ESRRG: variants seen among roughly 807,000 people sequenced by gnomAD.
ESRRG encodes estrogen-related receptor gamma.
In ESRRG, 13 loss-of-function variants were observed where a neutral mutation model predicts 44.0. The ratio of observed to expected loss-of-function variants is 0.30; its 90% CI spans 0.19 to 0.47. ESRRG has a LOEUF of 0.47. Ranked by LOEUF, ESRRG falls within the 20% of genes least tolerant of loss-of-function variation. ESRRG has a pLI of 1.00. For missense variants in ESRRG, 395 were observed against 580.6 expected (o/e 0.68, Z 3.29); for synonymous variants, 215 against 214.6 (o/e 1.00, Z -0.02).
intron 2 of ESRRG, among the ~76,000 whole-genome samples, chr1:216,821,584 C>A (rs1296883130): frequency 6.6e-6 from 1 of 150,990 alleles, no homozygotes; most frequent in Non-Finnish European, 1.5e-5. Flanking sequence ...ACTCAGGAGG[C>A]TGAGGTGAGA....
chr1:216,907,296 C>G (rs147224155), intron 2 of ESRRG, among the ~76,000 whole-genome samples: 6 of 152,296 alleles, frequency 3.9e-5, no homozygotes, highest in African/African-American at 1.4e-4. Context: ...CAACTCATCC[C>G]ACTGCTGGTG....
At chr1:216,528,466 A>G (rs2048340206) in intron 5 of ESRRG, among the ~76,000 whole-genome samples, 1 of 152,184 alleles carries the variant, frequency 6.6e-6, no homozygotes. Context: ...AAGTACTGTC[A>G]TTAATTTATC....
At chr1:216,932,546 T>C (rs904870832) in intron 2 of ESRRG, among the ~76,000 whole-genome samples, 1 of 151,834 alleles carries the variant, frequency 6.6e-6, no homozygotes. Context: ...TGTGTGTGTG[T>C]TTGTGTGTAT....
At chr1:216,659,596 C>G (rs1467647302) in intron 2 of ESRRG, among the ~76,000 whole-genome samples, 1 of 152,162 alleles carries the variant, frequency 6.6e-6, no homozygotes, top group Non-Finnish European at 1.5e-5. Context: ...CTCAAGCTCA[C>G]CCCCTTGTCT....
intron 1 of ESRRG, among the ~76,000 whole-genome samples, chr1:217,103,011 C>T (rs2092539927): frequency 6.6e-6 from 1 of 152,156 alleles, no homozygotes; most frequent in African/African-American, 2.4e-5. Flanking sequence ...TGCAGAGAGA[C>T]TCCTGTGAGC....
chr1:216,761,830 A>T (rs2092793151), intron 2 of ESRRG, among the ~76,000 whole-genome samples: 1 of 152,092 alleles, frequency 6.6e-6, no homozygotes, highest in East Asian at 1.9e-4. Context: ...AAGGTATACA[A>T]CTTGGAGCTG....
At chr1:217,017,804 G>A (rs1284638028) in intron 1 of ESRRG, among the ~76,000 whole-genome samples, 1 of 152,172 alleles carries the variant, frequency 6.6e-6, no homozygotes, top group Non-Finnish European at 1.5e-5. Flanking sequence ...ATAGTTCATA[G>A]TGGCAGCAGT....
intron 3 of ESRRG, among the ~76,000 whole-genome samples, chr1:216,619,234 T>C (rs1026381678): frequency 6.6e-6 from 1 of 152,174 alleles, no homozygotes; most frequent in Non-Finnish European, 1.5e-5. Flanking sequence ...CTCACATGTG[T>C]GGAAGAGGGA....
rs570459911 is a variant in ESRRG at position 216,796,340 on chromosome 1, T to C, written c.-13-118849A>G. Among the ~76,000 whole-genome samples the C allele has an allele frequency of 3.4e-4, 51 of 152,232 alleles. 1 individual carries two copies. In the Middle Eastern group the frequency reaches 0.024, roughly 71 times the overall value. On this transcript the variant is annotated intron_variant, in intron 2 of 7. Transcript: ENST00000359162. Reference sequence around the variant, plus strand: ...AGGCGAACACTGGAGGACCCTGCTCTGGAGAAAAAGAATGTTCTAGAGAAA... The same window carrying C: ...AGGCGAACACTGGAGGACCCTGCTCCGGAGAAAAAGAATGTTCTAGAGAAA...
chr1:216,868,610 T>C (rs1431093510), intron 2 of ESRRG, among the ~76,000 whole-genome samples: 1 of 152,182 alleles, frequency 6.6e-6, no homozygotes, highest in African/African-American at 2.4e-5. Context: ...CATCCTACAG[T>C]AGATCACTTT....
chr1:216,562,442 A>T (rs2058937184), intron 5 of ESRRG, among the ~76,000 whole-genome samples: 1 of 152,214 alleles, frequency 6.6e-6, no homozygotes, highest in Admixed American at 6.5e-5. Context: ...AATTGAGAAT[A>T]ATAATACCTG....
At chr1:216,619,960 C>T (rs2061960221) in intron 3 of ESRRG, among the ~76,000 whole-genome samples, 1 of 152,122 alleles carries the variant, frequency 6.6e-6, no homozygotes. Context: ...TGAAAGCACA[C>T]ACTTTCTCTG....
At chr1:216,735,134 C>T (rs1225023906) in intron 2 of ESRRG, among the ~76,000 whole-genome samples, 1 of 151,770 alleles carries the variant, frequency 6.6e-6, no homozygotes, top group Non-Finnish European at 1.5e-5. Flanking sequence ...GTTTCCAACT[C>T]CTCACCTCAG....
intron 2 of ESRRG, among the ~76,000 whole-genome samples, chr1:216,749,878 T>C (rs1245071705): frequency 1.3e-5 from 2 of 152,178 alleles, no homozygotes; most frequent in Non-Finnish European, 2.9e-5. Flanking sequence ...AACAGAAGAA[T>C]TTTTGCATCA....
intron 1 of ESRRG, among the ~76,000 whole-genome samples, chr1:217,019,472 T>A (rs930750473): frequency 6.6e-6 from 1 of 152,046 alleles, no homozygotes. Flanking sequence ...AGCATATCCA[T>A]GGTAAGGAGA....
chr1:216,580,492 C>G (rs561378793), intron 3 of ESRRG, among the ~76,000 whole-genome samples: 1 of 152,118 alleles, frequency 6.6e-6, no homozygotes, highest in East Asian at 1.9e-4. Context: ...CTGTGAAAAC[C>G]TCAGTTAGAT....
intron 2 of ESRRG, among the ~76,000 whole-genome samples, chr1:216,877,382 T>G (rs1239228757): frequency 4.0e-5 from 2 of 49,692 alleles, no homozygotes; most frequent in Admixed American, 3.6e-4. Flanking sequence ...GTATGGTGTT[T>G]TTTTTTGTTT....
chr1:216,779,162 TAAA>T (rs1400267029), intron 2 of ESRRG, among the ~76,000 whole-genome samples: 1 of 98,022 alleles, frequency 1.0e-5, no homozygotes, highest in Non-Finnish European at 2.1e-5. Context: ...ATATATAAAA[TAAA>T]TATATATATA....
intron 1 of ESRRG, among the ~76,000 whole-genome samples, chr1:216,696,839 T>A (rs1354211802): frequency 2.0e-5 from 3 of 152,142 alleles, no homozygotes; most frequent in African/African-American, 7.2e-5. Flanking sequence ...TAAAATGGGG[T>A]ACTAATACCT....
Sources: allele counts gnomAD v4.1 joint callset (sites outside exome capture counted in the v4.1 genomes callset), GRCh38; gene constraint gnomAD v4.1.1; transcripts MANE v1.5; gene names NCBI Gene and HGNC (gene_info 2026-07-23, HGNC 2026-07-21).